MSRA: variants seen among roughly 807,000 people sequenced by gnomAD.
MSRA encodes methionine sulfoxide reductase A.
MSRA carries 54 observed loss-of-function variants against 31.3 expected under a neutral mutation model. The ratio of observed to expected loss-of-function variants is 1.73; its 90% CI spans 1.39 to 2.17. The LOEUF (loss-of-function observed/expected upper bound fraction) is 2.17. MSRA is among the 30% of genes most tolerant of loss of function. The probability of loss-of-function intolerance (pLI) is 0.00; values close to 1 mark genes in which losing one functional copy is unlikely to be tolerated. For missense variants in MSRA, 507 were observed against 300.9 expected (o/e 1.69, Z -5.07); for synonymous variants, 169 against 116.5 (o/e 1.45, Z -2.90).
intron 1 of MSRA, among the ~76,000 whole-genome samples, chr8:10,188,315 C>G (rs1278354617): frequency 2.0e-5 from 3 of 152,140 alleles, no homozygotes; most frequent in Non-Finnish European, 4.4e-5. Context: ...TAACACAGAT[C>G]TATAGAACTG....
In MSRA at chr8:10,097,044, C is replaced by A. The variant is rs570174700; in HGVS notation, c.142+42386C>A. Among the ~76,000 whole-genome samples the A allele has an allele frequency of 2.0e-5, 3 of 152,228 alleles. No homozygotes were observed. The South Asian group carries it at 6.2e-4, about 32-fold the overall frequency. On this transcript the variant is annotated intron_variant, in intron 1 of 5. Coordinates refer to ENST00000317173, the MANE Select transcript of MSRA (RefSeq NM_012331.5). ...AGTATGTAATCATTGATTTCTTAAT[C>A]CTTCGACAATAAAAACCTGTCTATA...
chr8:10,406,710 C>G (rs186356196), intron 5 of MSRA, among the ~76,000 whole-genome samples: 7 of 152,340 alleles, frequency 4.6e-5, no homozygotes, highest in Admixed American at 4.6e-4. Context: ...CATATCTCCC[C>G]TGCTCTGTGC....
At chr8:10,137,368 T>G (rs1185947403) in intron 1 of MSRA, among the ~76,000 whole-genome samples, 2 of 152,124 alleles carry the variant, frequency 1.3e-5, no homozygotes, top group African/African-American at 4.8e-5. Flanking sequence ...ATCTGAAAGG[T>G]TCTTTCCACT....
chr8:10,084,172 C>G (rs989619650), intron 1 of MSRA, among the ~76,000 whole-genome samples: 1 of 152,214 alleles, frequency 6.6e-6, no homozygotes, highest in Non-Finnish European at 1.5e-5. Context: ...GTCCACGCTT[C>G]CAAGTTCTGA....
chr8:10,102,456 T>C (rs528595600), intron 1 of MSRA, among the ~76,000 whole-genome samples: 1 of 151,538 alleles, frequency 6.6e-6, no homozygotes, highest in African/African-American at 2.4e-5. Context: ...GGTTATTTTA[T>C]CTGCTATGTC....
At chr8:10,072,631 ACTCT>A (rs573944176) in intron 1 of MSRA, among the ~76,000 whole-genome samples, 2 of 152,180 alleles carry the variant, frequency 1.3e-5, no homozygotes, top group African/African-American at 2.4e-5. Flanking sequence ...ATCAGAATAA[ACTCT>A]CTGTCAACAG....
intron 1 of MSRA, among the ~76,000 whole-genome samples, chr8:10,078,010 T>G (rs980745293): frequency 6.6e-6 from 1 of 152,242 alleles, no homozygotes; most frequent in Non-Finnish European, 1.5e-5. Context: ...GGTTTTGGGA[T>G]TTAAGCCCAA....
intron 5 of MSRA, among the ~76,000 whole-genome samples, chr8:10,410,747 G>A (rs1408296922): frequency 2.0e-5 from 3 of 152,216 alleles, no homozygotes; most frequent in African/African-American, 4.8e-5. Flanking sequence ...GAGATGCACA[G>A]TGCTGCTTTC....
intron 5 of MSRA, among the ~76,000 whole-genome samples, chr8:10,371,894 C>T (rs1319136247): frequency 6.6e-6 from 1 of 152,240 alleles, no homozygotes; most frequent in East Asian, 1.9e-4. Context: ...GTTTGGTTCT[C>T]TGACTCTCTG....
At chr8:10,176,284 G>A (rs1210574778) in intron 1 of MSRA, among the ~76,000 whole-genome samples, 1 of 152,218 alleles carries the variant, frequency 6.6e-6, no homozygotes. Context: ...AAAATCAGAA[G>A]CATTTGTTCA....
At chr8:10,099,222 G>A (rs1490508305) in intron 1 of MSRA, among the ~76,000 whole-genome samples, 4 of 152,186 alleles carry the variant, frequency 2.6e-5, no homozygotes, top group Non-Finnish European at 4.4e-5. Context: ...TAAAAGTCAC[G>A]TGATCTGAGG....
intron 3 of MSRA, among the ~76,000 whole-genome samples, chr8:10,263,569 C>A (rs1205848026): frequency 6.6e-6 from 1 of 152,208 alleles, no homozygotes; most frequent in African/African-American, 2.4e-5. Flanking sequence ...TGTTTTTAAA[C>A]ACTGAAATCC....
chr8:10,290,648 C>T (rs921792398), intron 3 of MSRA, among the ~76,000 whole-genome samples: 1 of 152,098 alleles, frequency 6.6e-6, no homozygotes, highest in African/African-American at 2.4e-5. Context: ...TTTCAGAGTT[C>T]CACAAGGATT....
intron 3 of MSRA, among the ~76,000 whole-genome samples, chr8:10,263,444 C>A (rs971361113): frequency 6.6e-6 from 1 of 152,260 alleles, no homozygotes; most frequent in East Asian, 1.9e-4. Context: ...GGTATGTGTG[C>A]ACGTTCAGAC....
chr8:10,325,764 G>T (rs993356445), intron 5 of MSRA, among the ~76,000 whole-genome samples: 8 of 152,172 alleles, frequency 5.3e-5, no homozygotes, highest in African/African-American at 1.7e-4. Context: ...GAAAATTGCC[G>T]ATCTAACCAA....
intron 4 of MSRA, among the ~76,000 whole-genome samples, chr8:10,313,491 A>G (rs1203773893): frequency 6.6e-6 from 1 of 152,018 alleles, no homozygotes; most frequent in Non-Finnish European, 1.5e-5. Context: ...CAAAAAACAA[A>G]CAAACAAAAA....
chr8:10,360,571 G>A (rs533873194), intron 5 of MSRA, among the ~76,000 whole-genome samples: 31 of 152,300 alleles, frequency 2.0e-4, no homozygotes, highest in Non-Finnish European at 3.8e-4. Flanking sequence ...GCCCCTTGCC[G>A]AACGTCTGAC....
At chr8:10,375,495 G>T (rs866960786) in intron 5 of MSRA, among the ~76,000 whole-genome samples, 1 of 152,192 alleles carries the variant, frequency 6.6e-6, no homozygotes, top group African/African-American at 2.4e-5. Flanking sequence ...GCCTGTGGGT[G>T]CCTCGAGAAG....
intron 1 of MSRA, among the ~76,000 whole-genome samples, chr8:10,082,130 C>T (rs1173951489): frequency 6.6e-6 from 1 of 152,122 alleles, no homozygotes; most frequent in African/African-American, 2.4e-5. Context: ...TGCTTGAGCA[C>T]AGGAGGTCAA....
Sources: allele counts gnomAD v4.1 joint callset (sites outside exome capture counted in the v4.1 genomes callset), GRCh38; gene constraint gnomAD v4.1.1; transcripts MANE v1.5; gene names NCBI Gene and HGNC (gene_info 2026-07-23, HGNC 2026-07-21).